ARFGEF1: variants seen among roughly 807,000 people sequenced by gnomAD.
The protein encoded by ARFGEF1 is ARF guanine nucleotide exchange factor 1, also known as brefeldin A-inhibited guanine nucleotide-exchange protein 1.
A neutral mutation model predicts 231.0 loss-of-function variants in ARFGEF1; 42 were observed. The observed-to-expected ratio is 0.18, with a 90% CI of 0.14 to 0.24. The LOEUF (loss-of-function observed/expected upper bound fraction) is 0.24. Ranked by LOEUF, ARFGEF1 falls within the 10% of genes least tolerant of loss-of-function variation. The probability of loss-of-function intolerance (pLI) is 1.00; values close to 1 mark genes in which losing one functional copy is unlikely to be tolerated. For synonymous variants in ARFGEF1, 710 were observed against 732.3 expected (o/e 0.97, Z 0.49); for missense variants, 1,345 against 2,192.0 (o/e 0.61, Z 7.72).
At chr8:67,300,471 G>A (rs1415700954) in intron 3 of ARFGEF1, among the ~76,000 whole-genome samples, 1 of 151,982 alleles carries the variant, frequency 6.6e-6, no homozygotes, top group Non-Finnish European at 1.5e-5. Flanking sequence ...CTAAAGTATA[G>A]CAGTTAAATA....
At chr8:67,233,081 A>C in intron 22 of ARFGEF1, 136 bp from the exon 23 acceptor site, 1 of 716,984 alleles carries the variant, frequency 1.4e-6, no homozygotes, top group Non-Finnish European at 2.3e-6. Flanking sequence ...AATTCTTTTG[A>C]TATCAGTGAC....
chr8:67,252,704 T>C (rs997365804), intron 18 of ARFGEF1, among the ~76,000 whole-genome samples: 11 of 152,156 alleles, frequency 7.2e-5, no homozygotes, highest in South Asian at 2.1e-4. Flanking sequence ...TCCACAGGTA[T>C]AGAGTGTCTA....
At chr8:67,235,123 C>A (rs539913443) in intron 22 of ARFGEF1, among the ~76,000 whole-genome samples, 1 of 147,604 alleles carries the variant, frequency 6.8e-6, no homozygotes, top group Admixed American at 6.8e-5. Flanking sequence ...CACACACACA[C>A]GTGTCAAAAT....
chr8:67,293,914 G>A (rs1423390122), intron 5 of ARFGEF1, among the ~76,000 whole-genome samples: 2 of 152,130 alleles, frequency 1.3e-5, no homozygotes, highest in Non-Finnish European at 2.9e-5. Flanking sequence ...TTAAATCGCA[G>A]TAATGTTTTA....
At chr8:67,293,843 G>GTGGTAGGAAT (rs1430722453) in intron 5 of ARFGEF1, among the ~76,000 whole-genome samples, 3 of 152,180 alleles carry the variant, frequency 2.0e-5, no homozygotes. Context: ...GAGGAATGCA[G>GTGGTAGGAAT]TGGTAGGAAT....
intron 10 of ARFGEF1, among the ~76,000 whole-genome samples, chr8:67,270,961 T>C (rs1361961962): frequency 6.8e-6 from 1 of 146,134 alleles, no homozygotes; most frequent in Non-Finnish European, 1.5e-5. Context: ...CAGGCGGAGG[T>C]TGTGCTGAGT....
At chr8:67,331,835 T>C (rs999265310) in intron 1 of ARFGEF1, among the ~76,000 whole-genome samples, 3 of 152,182 alleles carry the variant, frequency 2.0e-5, no homozygotes, top group Admixed American at 6.5e-5. Context: ...CAGTGCTCTG[T>C]TGTTTATTTG....
chr8:67,277,182 G>A, intron 8 of ARFGEF1, 100 bp downstream of exon 8: 5 of 1,170,054 alleles, frequency 4.3e-6, no homozygotes, highest in East Asian at 5.1e-5. Context: ...TAAAAATCAG[G>A]CAGCATCATC....
At chr8:67,257,853 T>C (rs761044723) in intron 16 of ARFGEF1, 37 bp from the exon 17 acceptor site, 1 of 1,516,424 alleles carries the variant, frequency 6.6e-7, no homozygotes, top group South Asian at 1.2e-5. Context: ...AAACTTCTAC[T>C]GTTTTATATA....
At chr8:67,247,239 C>A (rs1840135329) in intron 19 of ARFGEF1, among the ~76,000 whole-genome samples, 1 of 150,070 alleles carries the variant, frequency 6.7e-6, no homozygotes, top group Non-Finnish European at 1.5e-5. Flanking sequence ...CAAATTCATT[C>A]TACAAGGCCA....
At chr8:67,257,228 A>T (rs548099689) in intron 17 of ARFGEF1, among the ~76,000 whole-genome samples, 5 of 152,078 alleles carry the variant, frequency 3.3e-5, no homozygotes, top group African/African-American at 1.2e-4. Flanking sequence ...CCACAGGCAC[A>T]TGCCACCATG....
intron 5 of ARFGEF1, chr8:67,190,810 T>A: frequency 3.8e-6 from 5 of 1,328,064 alleles, no homozygotes; most frequent in Non-Finnish European, 4.3e-6. Context: ...ATGAGAGGTC[T>A]GGGTTCTGAC....
chr8:67,219,604 C>G (rs1412528648), intron 29 of ARFGEF1, 44 bp from the exon 30 acceptor site: 1 of 1,536,632 alleles, frequency 6.5e-7, no homozygotes, highest in East Asian at 2.3e-5. Context: ...TACAAAAAAG[C>G]ATACTTCTCC....
chr8:67,178,803 C>T (rs186699866), intron 5 of ARFGEF1, among the ~76,000 whole-genome samples: 139 of 152,086 alleles, frequency 9.1e-4, no homozygotes, highest in Middle Eastern at 6.8e-3. Flanking sequence ...CAGGGGGTGA[C>T]GAGGGGAGGC....
chr8:67,313,223 A>AC (rs1807152815), intron 1 of ARFGEF1, among the ~76,000 whole-genome samples: 3 of 152,140 alleles, frequency 2.0e-5, no homozygotes, highest in African/African-American at 7.2e-5. Flanking sequence ...ATTGGGCTTC[A>AC]CCTTTATCTG....
At chr8:67,334,956 T>C (rs1028293105) in intron 1 of ARFGEF1, among the ~76,000 whole-genome samples, 3 of 152,206 alleles carry the variant, frequency 2.0e-5, no homozygotes, top group African/African-American at 4.8e-5. Context: ...GGATTTATGC[T>C]GATGGCTGCA....
chr8:67,253,284 T>C (rs1840355170), intron 18 of ARFGEF1, among the ~76,000 whole-genome samples, 167 bp downstream of exon 18: 1 of 152,174 alleles, frequency 6.6e-6, no homozygotes, highest in Admixed American at 6.5e-5. Flanking sequence ...CTATATTGCA[T>C]ATGCTGGTCT....
At chr8:67,237,281 C>T (rs1839799522) in intron 22 of ARFGEF1, among the ~76,000 whole-genome samples, 2 of 152,222 alleles carry the variant, frequency 1.3e-5, no homozygotes, top group South Asian at 4.1e-4. Context: ...CAAGTCTACA[C>T]CTGCACCTCC....
At chr8:67,303,728 A>T (rs57179217) in intron 1 of ARFGEF1, among the ~76,000 whole-genome samples, 43,818 of 151,494 alleles carry the variant, frequency 0.29, 6,559 homozygotes, top group East Asian at 0.38. Flanking sequence ...AAAAAAAAAA[A>T]AATAATAATT....
Sources: gnomAD v4.1 joint callset for allele counts (sites outside exome capture counted in the v4.1 genomes callset) on GRCh38, gnomAD v4.1.1 for gene constraint, MANE v1.5 for transcripts, NCBI Gene and HGNC (gene_info 2026-07-23, HGNC 2026-07-21) for gene names.